ATP2B2: variants seen among roughly 807,000 people sequenced by gnomAD.
ATP2B2 encodes the protein plasma membrane calcium-transporting ATPase 2.
ATP2B2 carries 15 observed loss-of-function variants against 120.0 expected under a neutral mutation model. That is an observed-to-expected ratio of 0.12 (90% CI 0.08 to 0.19). The LOEUF (loss-of-function observed/expected upper bound fraction) is 0.19, where lower values mean the gene tolerates loss of function less well. Among genes scored for constraint, ATP2B2 ranks in the 10% least tolerant of loss-of-function variants. The pLI is 1.00. For synonymous variants in ATP2B2, 694 were observed against 700.3 expected (o/e 0.99, Z 0.14); for missense variants, 1,045 against 1,719.8 (o/e 0.61, Z 6.94).
intron 2 of ATP2B2, among the ~76,000 whole-genome samples, chr3:10,584,447 C>T (rs1239429908): frequency 6.6e-6 from 1 of 152,164 alleles, no homozygotes; most frequent in Non-Finnish European, 1.5e-5. Flanking sequence ...GGAGGCTCTA[C>T]AGGTGCCACC....
chr3:10,469,541 C>A (rs564436806), intron 1 of ATP2B2, among the ~76,000 whole-genome samples: 20 of 152,342 alleles, frequency 1.3e-4, no homozygotes, highest in African/African-American at 3.1e-4. Context: ...AAGCCAGCGT[C>A]AGGCCCCCTG....
At chr3:10,572,052 C>A (rs978873792) in intron 2 of ATP2B2, among the ~76,000 whole-genome samples, 3 of 152,190 alleles carry the variant, frequency 2.0e-5, no homozygotes, top group Non-Finnish European at 4.4e-5. Flanking sequence ...AATCTAGACT[C>A]TAAGAGGTAC....
chr3:10,642,897 C>T (rs1207633641), intron 1 of ATP2B2, among the ~76,000 whole-genome samples: 1 of 152,178 alleles, frequency 6.6e-6, no homozygotes, highest in East Asian at 1.9e-4. Flanking sequence ...AAGGGGTGTG[C>T]TCGCCTGGTG....
intron 12 of ATP2B2, among the ~76,000 whole-genome samples, chr3:10,362,321 G>T (rs1433818272): frequency 2.0e-5 from 3 of 152,230 alleles, no homozygotes; most frequent in Non-Finnish European, 4.4e-5. Context: ...CCCTCTGTCA[G>T]CAACTGGATG....
At chr3:10,469,838 C>T (rs959114095) in intron 1 of ATP2B2, among the ~76,000 whole-genome samples, 1 of 152,148 alleles carries the variant, frequency 6.6e-6, no homozygotes, top group African/African-American at 2.4e-5. Flanking sequence ...CTTGCTCCCT[C>T]CAGCCTTTGG....
At chr3:10,652,481 G>A (rs1028665951) in intron 1 of ATP2B2, among the ~76,000 whole-genome samples, 2 of 152,174 alleles carry the variant, frequency 1.3e-5, no homozygotes, top group Non-Finnish European at 2.9e-5. Flanking sequence ...TGATGTTACA[G>A]GGCGCCCTGA....
chr3:10,587,751 G>C (rs202111755), intron 2 of ATP2B2, among the ~76,000 whole-genome samples: 5 of 27,530 alleles, frequency 1.8e-4, no homozygotes, highest in African/African-American at 5.4e-4. Flanking sequence ...TGGTTTTTTT[G>C]TTTGTTTGTT....
chr3:10,460,681 T>C (rs1380550405), intron 1 of ATP2B2, among the ~76,000 whole-genome samples: 1 of 152,194 alleles, frequency 6.6e-6, no homozygotes. Context: ...AAAATGATAC[T>C]GTATAAAAGG....
At chr3:10,691,860 T>C (rs2071669390) in intron 1 of ATP2B2, among the ~76,000 whole-genome samples, 1 of 152,210 alleles carries the variant, frequency 6.6e-6, no homozygotes, top group African/African-American at 2.4e-5. Flanking sequence ...GTTTCCTTTA[T>C]GTCTAAGAAG....
intron 1 of ATP2B2, among the ~76,000 whole-genome samples, chr3:10,666,859 T>C (rs886736483): frequency 2.4e-4 from 37 of 152,334 alleles, no homozygotes; most frequent in Admixed American, 1.9e-3. Flanking sequence ...GGAGGCTCTC[T>C]AGCCCTTTCA....
chr3:10,568,127 G>A (rs2068048424), intron 2 of ATP2B2, among the ~76,000 whole-genome samples: 1 of 152,178 alleles, frequency 6.6e-6, no homozygotes, highest in African/African-American at 2.4e-5. Context: ...GCCCAGAGTG[G>A]GCTCAGGCTG....
chr3:10,603,275 G>A (rs965732958), intron 2 of ATP2B2, among the ~76,000 whole-genome samples: 1 of 152,216 alleles, frequency 6.6e-6, no homozygotes, highest in African/African-American at 2.4e-5. Context: ...CTAGCACGGT[G>A]CCCGGTGTGT....
chr3:10,623,484 G>A (rs928822103), intron 1 of ATP2B2, among the ~76,000 whole-genome samples: 1 of 152,194 alleles, frequency 6.6e-6, no homozygotes, highest in Non-Finnish European at 1.5e-5. Flanking sequence ...AAGAATGGAA[G>A]GGAAGAAATC....
chr3:10,332,263 A>G, intron 22 of ATP2B2: 1 of 546,778 alleles, frequency 1.8e-6, no homozygotes, highest in Non-Finnish European at 3.3e-6. Flanking sequence ...GGGAAGTGGG[A>G]GCAGGAGGTG....
At chr3:10,426,497 G>T (rs1235195573) in intron 2 of ATP2B2, among the ~76,000 whole-genome samples, 4 of 152,156 alleles carry the variant, frequency 2.6e-5, no homozygotes, top group Admixed American at 2.6e-4. Context: ...CTGTGCCAGA[G>T]ACCACATAGC....
Position 10,358,699 on chromosome 3 carries a change from G to T in ATP2B2, c.2128C>A (p.Arg710=), listed in dbSNP as rs1410646033. ...ICVVGIEDPV[R]PEVPEAIRKC... is the part of the protein sequence containing the mutation. ...CTGGCCCTGGGGCCTACCTCTGGCC[G>T]CACCGGGTCCTCGATGCCCACCACG... Residue 710 remains arginine (R), a synonymous_variant, in exon 14 of 23, where the codon CGG becomes AGG. Coordinates refer to ENST00000360273, the MANE Select transcript of ATP2B2 (RefSeq NM_001001331.4). 2.5e-6 allele frequency: 4 copies of T among 1,614,120 alleles called. No homozygotes were observed. The highest frequency in any genetic ancestry group is 3.4e-6 in the Non-Finnish European group (4 of 1,180,018).
chr3:10,493,513 GTCTC>G, intron 1 of ATP2B2, among the ~76,000 whole-genome samples: 1 of 152,286 alleles, frequency 6.6e-6, no homozygotes, highest in Admixed American at 6.5e-5. Flanking sequence ...GCAGAAAGGA[GTCTC>G]GACTTGTTCC....
chr3:10,393,500 A>T (rs2061925669), intron 5 of ATP2B2, among the ~76,000 whole-genome samples: 1 of 152,158 alleles, frequency 6.6e-6, no homozygotes, highest in Admixed American at 6.5e-5. Flanking sequence ...GCATCAGCTC[A>T]GGGGGTCACC....
At chr3:10,475,233 C>T (rs532873307) in intron 1 of ATP2B2, among the ~76,000 whole-genome samples, 2 of 152,252 alleles carry the variant, frequency 1.3e-5, no homozygotes, top group South Asian at 4.1e-4. Context: ...TCTTTCTTCA[C>T]TACTGCTCTG....
Sources: allele counts gnomAD v4.1 joint callset (sites outside exome capture counted in the v4.1 genomes callset), GRCh38; gene constraint gnomAD v4.1.1; transcripts MANE v1.5; gene names NCBI Gene and HGNC (gene_info 2026-07-23, HGNC 2026-07-21).